PRKD1: variants seen among roughly 807,000 people sequenced by gnomAD.
The protein encoded by PRKD1 is protein kinase D1.
A neutral mutation model predicts 95.9 loss-of-function variants in PRKD1; 63 were observed. The observed-to-expected ratio is 0.66, with a 90% CI of 0.54 to 0.81. The LOEUF is 0.81. Among genes scored for constraint, PRKD1 ranks in the 30% least tolerant of loss-of-function variants. The pLI is 0.00. For synonymous variants in PRKD1, 425 were observed against 423.1 expected, an observed-to-expected ratio of 1.00 and a Z score of -0.05; for missense variants, 1,048 against 1,165.3, an observed-to-expected ratio of 0.90 and a Z score of 1.47.
At chr14:29,855,860 TGTAA>T (rs760201309) in intron 1 of PRKD1, among the ~76,000 whole-genome samples, 10 of 152,314 alleles carry the variant, frequency 6.6e-5, no homozygotes, top group South Asian at 4.1e-4. Flanking sequence ...CTGCCATCCA[TGTAA>T]GACGTGACTT....
chr14:29,796,052 T>C (rs1462862605), intron 1 of PRKD1, among the ~76,000 whole-genome samples: 1 of 152,158 alleles, frequency 6.6e-6, no homozygotes, highest in East Asian at 1.9e-4. Context: ...ATACACATAT[T>C]TGTAACACTC....
At chr14:29,691,411 A>G (rs1041439066) in intron 2 of PRKD1, among the ~76,000 whole-genome samples, 7 of 152,206 alleles carry the variant, frequency 4.6e-5, no homozygotes, top group African/African-American at 2.4e-5. Flanking sequence ...AAGTTCCCCA[A>G]GTGATTGTAA....
chr14:29,652,626 C>T (rs1417066352), intron 4 of PRKD1, among the ~76,000 whole-genome samples: 2 of 152,106 alleles, frequency 1.3e-5, no homozygotes, highest in Non-Finnish European at 2.9e-5. Context: ...TACACACTGC[C>T]CAGGTTTGAA....
At chr14:29,826,643 GTATA>G (rs1399274015) in intron 1 of PRKD1, among the ~76,000 whole-genome samples, 2 of 75,898 alleles carry the variant, frequency 2.6e-5, no homozygotes, top group South Asian at 4.9e-4. Context: ...ATGTGTGTGT[GTATA>G]TATATGTGTG....
At chr14:29,778,796 G>A (rs543559213) in intron 1 of PRKD1, among the ~76,000 whole-genome samples, 63 of 152,250 alleles carry the variant, frequency 4.1e-4, no homozygotes, top group Non-Finnish European at 8.1e-4. Flanking sequence ...TATGAGGCCA[G>A]CATCATCCTG....
At position 29,634,401 on chromosome 14, in the gene PRKD1, T is replaced by C. The variant is rs768758951; in HGVS notation, c.1314+17A>G. On this transcript the variant is annotated intron_variant, in intron 8 of 17. Coordinates refer to ENST00000331968, the MANE Select transcript of PRKD1 (RefSeq NM_002742.3). ...AAGCTAGCAAGGCAAGAGAACATTG[T>C]TCCCTGTGGATCTTACCAGCGTGTC... 9 of 1,613,826 alleles carry C rather than the reference T, an allele frequency of 5.6e-6. No homozygotes were observed. The South Asian group carries it at 8.8e-5, about 16-fold the overall frequency.
At chr14:29,874,528 CT>C (rs1188915935) in intron 1 of PRKD1, among the ~76,000 whole-genome samples, 1 of 152,098 alleles carries the variant, frequency 6.6e-6, no homozygotes, top group Non-Finnish European at 1.5e-5. Context: ...TATCAAAAGC[CT>C]GCACTTGCAA....
chr14:29,793,937 T>C (rs1488231650), intron 1 of PRKD1, among the ~76,000 whole-genome samples: 1 of 152,068 alleles, frequency 6.6e-6, no homozygotes, highest in Non-Finnish European at 1.5e-5. Context: ...GTGTTCTGAA[T>C]TTACTAAGAT....
At chr14:29,684,941 T>C (rs1342626587) in intron 2 of PRKD1, among the ~76,000 whole-genome samples, 1 of 152,226 alleles carries the variant, frequency 6.6e-6, no homozygotes, top group East Asian at 1.9e-4. Context: ...AAAAGACCCT[T>C]TTCCCCCTTT....
At chr14:29,691,099 T>C (rs1470862518) in intron 2 of PRKD1, among the ~76,000 whole-genome samples, 1 of 152,210 alleles carries the variant, frequency 6.6e-6, no homozygotes, top group Non-Finnish European at 1.5e-5. Context: ...ATAAATGACA[T>C]GTTCAATTAT....
chr14:29,652,892 A>C (rs1232876881), intron 4 of PRKD1: 1 of 152,208 alleles, frequency 6.6e-6, no homozygotes, highest in East Asian at 1.9e-4. Flanking sequence ...CTTTTTGTCC[A>C]TTATTTGCTT....
intron 1 of PRKD1, among the ~76,000 whole-genome samples, chr14:29,824,456 G>C (rs1359009756): frequency 1.3e-5 from 2 of 152,072 alleles, no homozygotes; most frequent in Non-Finnish European, 2.9e-5. Flanking sequence ...TCACAGGAGC[G>C]GGAGCAGCAT....
rs115493513 is a variant in PRKD1, at chr14:29,770,852, C to T, written c.265-45178G>A. Among the ~76,000 whole-genome samples the T allele has an allele frequency of 5.3e-3, 746 of 141,386 alleles. 8 individuals carry two copies. Among genetic ancestry groups the T allele is most frequent in the African/African-American group, 0.018 (673 of 37,946 alleles). 92.8% of individuals were successfully genotyped at this position (141,386 alleles called of 152,430 possible). On this transcript the variant is annotated intron_variant, in intron 1 of 17. Coordinates refer to ENST00000331968, the MANE Select transcript of PRKD1 (RefSeq NM_002742.3). ...TTAGCCAGGTGTGGTGGCACGCGTC[C>T]GTGGGAAGATCACTTGAGCCCAGGA...
chr14:29,596,861 CT>C (rs747264415), intron 16 of PRKD1, among the ~76,000 whole-genome samples: 3 of 152,088 alleles, frequency 2.0e-5, no homozygotes, highest in Non-Finnish European at 4.4e-5. Context: ...ATCTTTTGTC[CT>C]TTAAGAGGAA....
chr14:29,640,264 T>C (rs1880670795), intron 4 of PRKD1, among the ~76,000 whole-genome samples: 1 of 152,180 alleles, frequency 6.6e-6, no homozygotes, highest in African/African-American at 2.4e-5. Context: ...TTTATCACCA[T>C]ACTCAGTTAA....
intron 1 of PRKD1, among the ~76,000 whole-genome samples, chr14:29,748,953 A>T (rs1887355521): frequency 6.6e-6 from 1 of 152,164 alleles, no homozygotes; most frequent in African/African-American, 2.4e-5. Flanking sequence ...AATTATATAG[A>T]TTTTGGAGTT....
At chr14:29,619,301 GT>G (rs1201891745) in intron 13 of PRKD1, among the ~76,000 whole-genome samples, 3 of 151,940 alleles carry the variant, frequency 2.0e-5, no homozygotes, top group Admixed American at 6.6e-5. Flanking sequence ...CACAATGAGG[GT>G]TTTTGCAGAG....
chr14:29,646,155 T>G (rs768633271), intron 4 of PRKD1, among the ~76,000 whole-genome samples: 2 of 152,146 alleles, frequency 1.3e-5, no homozygotes, highest in Non-Finnish European at 2.9e-5. Flanking sequence ...GGGGGTTTCC[T>G]GAAGAAAAGA....
At chr14:29,875,273 G>A (rs1389797816) in intron 1 of PRKD1, among the ~76,000 whole-genome samples, 1 of 151,782 alleles carries the variant, frequency 6.6e-6, no homozygotes, top group African/African-American at 2.4e-5. Context: ...AAGCCCAGAT[G>A]GTAGAAAGTC....
Sources: allele counts gnomAD v4.1 joint callset (sites outside exome capture counted in the v4.1 genomes callset), GRCh38; gene constraint gnomAD v4.1.1; transcripts MANE v1.5; gene names NCBI Gene and HGNC (gene_info 2026-07-23, HGNC 2026-07-21).